Variants in BCAR3 observed in about 807,000 individuals in gnomAD.
BCAR3 encodes the protein breast cancer anti-estrogen resistance protein 3.
In BCAR3, 37 loss-of-function variants were observed where a neutral mutation model predicts 80.1. The observed-to-expected ratio is 0.46, with a 90% CI of 0.36 to 0.61. BCAR3 has a LOEUF of 0.61. Among genes scored for constraint, BCAR3 ranks in the 20% least tolerant of loss-of-function variants. The probability of loss-of-function intolerance (pLI) is 0.00; values close to 1 mark genes in which losing one functional copy is unlikely to be tolerated. For synonymous variants in BCAR3, 389 were observed against 418.9 expected, an observed-to-expected ratio of 0.93 and a Z score of 0.87; for missense variants, 978 against 1,068.2, an observed-to-expected ratio of 0.92 and a Z score of 1.18.
In BCAR3 at chr1:93,567,352, G is replaced by T; in HGVS notation, c.2226C>A (p.Asn742Lys). 6.2e-7 allele frequency: 1 copy of T among 1,614,160 alleles called. No homozygotes were observed. The highest frequency in any genetic ancestry group is 8.5e-7 in the Non-Finnish European group (1 of 1,180,040). The change falls in exon 11 of 12, where the codon AAC becomes AAA. Residue 742 changes from asparagine (N) to lysine (K), a missense_variant. Physicochemically the swap from Asn to Lys is moderately conservative, Grantham distance 94. Transcript: ENST00000260502. Reference protein sequence around the residue: ...KNDQSCEIMLNHLATARFMAE... With the variant: ...KNDQSCEIMLKHLATARFMAE... Reference sequence around the variant, plus strand: ...CCATGAATCGCGCTGTTGCCAAATGGTTCAGCATGATTTCACAGCTCTGGT... The same window carrying T: ...CCATGAATCGCGCTGTTGCCAAATGTTTCAGCATGATTTCACAGCTCTGGT...
intron 3 of BCAR3, among the ~76,000 whole-genome samples, chr1:93,631,642 T>G (rs1428560532): frequency 6.6e-6 from 1 of 152,202 alleles, no homozygotes; most frequent in Non-Finnish European, 1.5e-5. Context: ...CCTGTTAGTT[T>G]TTGAGTCTCT....
chr1:93,607,401 G>C lies in BCAR3; in HGVS notation c.358-15008C>G, dbSNP rs961765295. On this transcript the variant is annotated intron_variant, in intron 3 of 11. Coordinates refer to ENST00000260502, the MANE Select transcript of BCAR3 (RefSeq NM_003567.4). ...TCGTTATGAGAGTTAGAAGGACAAG[G>C]CCTGAAGAGAAGGTGGAGGGAGGAA... Among the ~76,000 whole-genome samples, 2 of 152,132 alleles carry C rather than the reference G, an allele frequency of 1.3e-5. 1 individual carries two copies. Among genetic ancestry groups the C allele is most frequent in the South Asian group, 4.2e-4 (2 of 4,810 alleles).
At chr1:93,766,424 G>C (rs1652151672) in intron 2 of BCAR3, among the ~76,000 whole-genome samples, 1 of 152,240 alleles carries the variant, frequency 6.6e-6, no homozygotes, top group African/African-American at 2.4e-5. Flanking sequence ...GAGCTACCAG[G>C]GTCCTTCCTC....
intron 2 of BCAR3, among the ~76,000 whole-genome samples, chr1:93,709,767 G>A (rs1303400427): frequency 6.6e-6 from 1 of 152,094 alleles, no homozygotes; most frequent in Non-Finnish European, 1.5e-5. Context: ...TGTAGATTGG[G>A]AAAAAAGTCT....
intron 3 of BCAR3, among the ~76,000 whole-genome samples, chr1:93,688,838 C>T (rs571834254): frequency 1.9e-4 from 29 of 151,764 alleles, no homozygotes; most frequent in Non-Finnish European, 3.8e-4. Flanking sequence ...GGTTTCACCA[C>T]GTTGGCCAGG....
At chr1:93,659,928 T>C (rs546726918) in intron 2 of BCAR3, among the ~76,000 whole-genome samples, 12 of 152,344 alleles carry the variant, frequency 7.9e-5, no homozygotes, top group African/African-American at 2.4e-4. Flanking sequence ...CAATTCGATA[T>C]ACCATGTGTA....
chr1:93,584,177 T>G, intron 5 of BCAR3, 56 bp from the exon 6 acceptor site: 1 of 1,505,562 alleles, frequency 6.6e-7, no homozygotes, highest in South Asian at 1.2e-5. Flanking sequence ...AAATAAAACT[T>G]TTAGGCAATG....
intron 2 of BCAR3, among the ~76,000 whole-genome samples, chr1:93,819,587 G>C (rs1040190226): frequency 1.3e-5 from 2 of 152,188 alleles, no homozygotes; most frequent in African/African-American, 4.8e-5. Flanking sequence ...CTTACTACTT[G>C]AAAGTGGATT....
At chr1:93,593,089 G>T (rs1452439815) in intron 3 of BCAR3, among the ~76,000 whole-genome samples, 1 of 152,160 alleles carries the variant, frequency 6.6e-6, no homozygotes, top group East Asian at 1.9e-4. Flanking sequence ...CTGCGGCGTT[G>T]CACAGTGGCC....
At chr1:93,627,680 G>A (rs11164954) in intron 3 of BCAR3, among the ~76,000 whole-genome samples, 6,910 of 152,204 alleles carry the variant, frequency 0.045, 511 homozygotes, top group African/African-American at 0.16. Flanking sequence ...TACATGAAAT[G>A]CTCATCAAGT....
upstream of BCAR3, chr1:93,847,740 C>T (rs12029548): frequency 0.48 from 72,084 of 150,728 alleles, 17,521 homozygotes; most frequent in East Asian, 0.62. Context: ...AACGGTTTAA[C>T]TTCTCTCTCA....
intron 4 of BCAR3, among the ~76,000 whole-genome samples, chr1:93,591,575 G>T (rs1674194571): frequency 6.6e-6 from 1 of 152,146 alleles, no homozygotes; most frequent in African/African-American, 2.4e-5. Context: ...GCCAGATCAG[G>T]TTTACAATAA....
chr1:93,571,582 G>A, intron 9 of BCAR3, 88 bp downstream of exon 9: 1 of 1,506,484 alleles, frequency 6.6e-7, no homozygotes, highest in Non-Finnish European at 9.2e-7. Context: ...TTACTTTTGA[G>A]ATTGACTAAA....
intron 2 of BCAR3, among the ~76,000 whole-genome samples, chr1:93,811,602 G>T (rs1320384607): frequency 6.6e-6 from 1 of 152,004 alleles, no homozygotes; most frequent in South Asian, 2.1e-4. Flanking sequence ...CAACCTATCC[G>T]CCATTTTCCA....
intron 3 of BCAR3, among the ~76,000 whole-genome samples, chr1:93,639,294 GCT>G (rs1364877831): frequency 6.6e-6 from 1 of 152,078 alleles, no homozygotes; most frequent in African/African-American, 2.4e-5. Flanking sequence ...CCTCCACCCA[GCT>G]CTCTCCTGCC....
At chr1:93,682,265 T>G (rs1217290542), upstream of BCAR3, among the ~76,000 whole-genome samples, 4 of 152,118 alleles carry the variant, frequency 2.6e-5, no homozygotes, top group African/African-American at 7.2e-5. Context: ...GAAAGCAAAG[T>G]GCGAGTTGGC....
intron 3 of BCAR3, among the ~76,000 whole-genome samples, chr1:93,704,608 C>T (rs188766367): frequency 9.2e-5 from 14 of 152,144 alleles, no homozygotes; most frequent in Admixed American, 1.3e-4. Context: ...TTATGAATGC[C>T]CTGTGAGGAG....
chr1:93,707,268 A>G (rs1041951222), intron 2 of BCAR3, among the ~76,000 whole-genome samples: 7 of 152,224 alleles, frequency 4.6e-5, no homozygotes, highest in African/African-American at 1.7e-4. Flanking sequence ...AAAAAATACT[A>G]AAAGTATATA....
chr1:93,595,190 T>G (rs952501660), intron 3 of BCAR3, among the ~76,000 whole-genome samples: 1 of 152,198 alleles, frequency 6.6e-6, no homozygotes, highest in Non-Finnish European at 1.5e-5. Flanking sequence ...AGATTGACGC[T>G]CTCAAATAAT....
Sources: gnomAD v4.1 joint callset for allele counts (sites outside exome capture counted in the v4.1 genomes callset) on GRCh38, gnomAD v4.1.1 for gene constraint, MANE v1.5 for transcripts, NCBI Gene and HGNC (gene_info 2026-07-23, HGNC 2026-07-21) for gene names.